Variants in HCFC1 observed in about 807,000 individuals in gnomAD.
HCFC1 encodes host cell factor 1.
In HCFC1, 7 loss-of-function variants were observed where a neutral mutation model predicts 105.5. The observed-to-expected ratio is 0.07, with a 90% CI of 0.04 to 0.12. The LOEUF (loss-of-function observed/expected upper bound fraction) is 0.12, where lower values mean the gene tolerates loss of function less well. Among genes scored for constraint, HCFC1 ranks in the 10% least tolerant of loss-of-function variants. The pLI, the probability that HCFC1 is intolerant of heterozygous loss-of-function variation, is 1.00. For synonymous variants in HCFC1, 918 were observed against 828.1 expected, an observed-to-expected ratio of 1.11 and a Z score of -1.86; for missense variants, 1,065 against 1,823.6, an observed-to-expected ratio of 0.58 and a Z score of 7.58.
intron 1 of HCFC1, 27 bp from the exon 2 acceptor site, chrX:153,964,753 A>G: frequency 8.8e-7 from 1 of 1,132,319 alleles, no homozygotes; most frequent in Non-Finnish European, 1.2e-6. Context: ...GGCAGAAGTC[A>G]GAACACCCGG....
Position 153,958,563 on chromosome X carries a change from G to A in HCFC1, c.1803+6C>T, listed in dbSNP as rs1039285407. 1.4e-5 allele frequency: 16 copies of A among 1,182,390 alleles called. No individual in the cohort carries two copies. The highest frequency in any genetic ancestry group is 3.5e-5 in the African/African-American group (2 of 56,764). On this transcript the variant is annotated splice_donor_region_variant and intron_variant, in intron 10 of 25. Transcript: ENST00000310441. ...ACCACAGTGACAAGCCCCGGAAGAC[G>A]CTCACCATGACTGGCGAGGAGGCCA...
rs1557114160 is a variant in HCFC1, at chrX:153,954,898, T to G, written c.3501A>C (p.Gln1167His). Reference sequence around the variant, plus strand: ...TGCTGGTCGCGCTGGTCTGGCGGGTTTGGCACTGGGACTTAGAGCCCTGGG... The same window carrying G: ...TGCTGGTCGCGCTGGTCTGGCGGGTGTGGCACTGGGACTTAGAGCCCTGGG... Reference protein sequence around the residue: ...EAAQGSKSQCQTRQTSATSTT... With the variant: ...EAAQGSKSQCHTRQTSATSTT... The change falls in exon 17 of 26, where the codon CAA becomes CAC. Residue 1167 changes from glutamine (Q) to histidine (H), a missense_variant. Gln to His is a conservative substitution (Grantham distance 24, BLOSUM62 0). This residue lies in a region of HCFC1 where 546 missense variants were observed against 599.9 expected (regional missense o/e 0.91). Transcript: ENST00000310441. The G allele has an allele frequency of 2.5e-5, 29 of 1,167,385 alleles. No homozygotes were observed. Among genetic ancestry groups the G allele is most frequent in the Non-Finnish European group, 3.3e-5 (29 of 876,989 alleles).
intron 23 of HCFC1, 88 bp downstream of exon 23, chrX:153,950,725 C>G: frequency 3.0e-6 from 3 of 995,287 alleles, no homozygotes; most frequent in Admixed American, 2.5e-5. Context: ...CAAAACCTAG[C>G]TCTCCTATGC....
chrX:153,965,170 T>C (rs1218373221), intron 1 of HCFC1, among the ~76,000 whole-genome samples: 1 of 111,077 alleles, frequency 9.0e-6, no homozygotes, highest in African/African-American at 3.3e-5. Flanking sequence ...GCCAAAACAG[T>C]GACCGCTGCA....
chrX:153,971,079 C>G lies in HCFC1; in HGVS notation c.-239G>C. ...CCCGAAACTGTCGAGCGCCTAGGCT[C>G]AAGAAGCTGGAGGCCGCTGAGTCCC... On this transcript the variant is annotated 5_prime_UTR_variant, in exon 1 of 26. Coordinates refer to ENST00000310441, the MANE Select transcript of HCFC1 (RefSeq NM_005334.3). The G allele has an allele frequency of 1.9e-5, 7 of 363,956 alleles. No individual in the cohort carries two copies. The highest frequency in any genetic ancestry group is 3.3e-5 in the Non-Finnish European group (7 of 214,097). 30.0% of individuals were successfully genotyped at this position (363,956 alleles called of 1,213,427 possible). A position where few individuals can be genotyped will look rare whatever the true frequency, so the allele number is the denominator to read the frequency against.
At position 153,948,188 on chromosome X, in the gene HCFC1, G is replaced by A. The variant is rs1289026466; in HGVS notation, c.*1159C>T. The A allele has an allele frequency of 1.8e-5, 2 of 112,215 alleles. No individual in the cohort carries two copies. Among genetic ancestry groups the A allele is most frequent in the Admixed American group, 1.9e-4 (2 of 10,618 alleles). The allele number at this position is 112,215 out of a possible 1,213,427, so 9.2% of individuals were successfully genotyped here. On this transcript the variant is annotated 3_prime_UTR_variant, in exon 26 of 26. Transcript: ENST00000310441. Reference sequence around the variant, plus strand: ...CGGTGCCGGTGGTGCTCAGGGAGGGGGCATGGGGAGAGCTGGAAATCCAGG... The same window carrying A: ...CGGTGCCGGTGGTGCTCAGGGAGGGAGCATGGGGAGAGCTGGAAATCCAGG...
At chrX:153,956,570 G>A in intron 15 of HCFC1, 55 bp downstream of exon 15, 10 of 1,195,429 alleles carry the variant, frequency 8.4e-6, no homozygotes, top group Non-Finnish European at 1.1e-5. Context: ...TTGAAGGCCA[G>A]CCCTGCTTCG....
chrX:153,958,915 C>T (rs1428306668), intron 9 of HCFC1, 149 bp from the exon 10 acceptor site: 19 of 444,736 alleles, frequency 4.3e-5, no homozygotes, highest in African/African-American at 2.8e-4. Context: ...TGCCAGACCC[C>T]GCTCTCCTGG....
At chrX:153,949,662 A>G (rs2065291154) in intron 24 of HCFC1, 46 bp from the exon 25 acceptor site, 2 of 1,094,255 alleles carry the variant, frequency 1.8e-6, no homozygotes, top group East Asian at 6.0e-5. Flanking sequence ...TGACAGAACG[A>G]GAGCAAGGAA....
At chrX:153,952,406 C>G in intron 19 of HCFC1, 108 bp downstream of exon 19, 6 of 940,657 alleles carry the variant, frequency 6.4e-6, no homozygotes, top group Non-Finnish European at 8.5e-6. Context: ...CCCATCACAT[C>G]TGGCTCATGC....
In HCFC1 at chrX:153,948,392, C is replaced by T. The variant is rs1261623701; in HGVS notation, c.*955G>A. On this transcript the variant is annotated 3_prime_UTR_variant, in exon 26 of 26. Coordinates refer to ENST00000310441, the MANE Select transcript of HCFC1 (RefSeq NM_005334.3). ...GCTGGGTGGCAAACAGCAGGCCCCTCGTGGCAGATTTCACACCTCTCCTGC... is the reference window on the plus strand; with the variant it reads ...GCTGGGTGGCAAACAGCAGGCCCCTTGTGGCAGATTTCACACCTCTCCTGC... The T allele has an allele frequency of 7.1e-5, 8 of 112,183 alleles. No individual in the cohort carries two copies. The highest frequency in any genetic ancestry group is 3.8e-4 in the Admixed American group (4 of 10,643). The allele number at this position is 112,183 out of a possible 1,213,427, so 9.2% of individuals were successfully genotyped here. A position where few individuals can be genotyped will look rare whatever the true frequency, so the allele number is the denominator to read the frequency against.
At chrX:153,958,324 G>A in intron 10 of HCFC1, 75 bp from the exon 11 acceptor site, 1 of 839,708 alleles carries the variant, frequency 1.2e-6, no homozygotes, top group South Asian at 2.3e-5. Context: ...TCCACGGTGG[G>A]CCCATAGCTC....
chrX:153,951,807 C>T (rs1557112602), intron 20 of HCFC1, 34 bp downstream of exon 20: 1 of 1,174,119 alleles, frequency 8.5e-7, no homozygotes. Flanking sequence ...GGTGCCCCCA[C>T]CACCCCAGCA....
In HCFC1 at chrX:153,952,953, TG is replaced by T; in HGVS notation, c.4502del (p.Pro1501GlnfsTer27). 8.5e-7 allele frequency: 1 copy of T among 1,170,706 alleles called. No individual in the cohort carries two copies. On this transcript the variant is annotated frameshift_variant, in exon 19 of 26. Transcript: ENST00000310441. LOFTEE classifies it high-confidence loss of function. ...TPVPGPSVPP[P>X]EELQVSPGPR... ...GACCTGGCGACACCTGGAGTTCCTC[TG>T]GGGGCTGCAGGATGTCAACAGCAGA...
In HCFC1 at chrX:153,950,558, G is replaced by T. The variant is rs1400937216; in HGVS notation, c.5704-15C>A. ...CCATCCGGACTCTAGAAGCCAGGGG[G>T]TCAGAAGGTCAACAGAACAGGCTAG... is the stretch of plus-strand genomic sequence containing the variant. On this transcript the variant is annotated splice_polypyrimidine_tract_variant and intron_variant, in intron 23 of 25. Coordinates refer to ENST00000310441, the MANE Select transcript of HCFC1 (RefSeq NM_005334.3). 1 of 1,145,254 alleles carries T rather than the reference G, an allele frequency of 8.7e-7. No individual in the cohort carries two copies. Among genetic ancestry groups the T allele is most frequent in the Non-Finnish European group, 1.2e-6 (1 of 860,828 alleles). 94.4% of individuals were successfully genotyped at this position (1,145,254 alleles called of 1,213,427 possible).
Position 153,971,069 on chromosome X carries a change from C to A in HCFC1, c.-229G>T. The A allele has an allele frequency of 2.7e-6, 1 of 370,742 alleles. No homozygotes were observed. The highest frequency in any genetic ancestry group is 5.9e-5 in the South Asian group (1 of 16,867). 30.6% of individuals were successfully genotyped at this position (370,742 alleles called of 1,213,427 possible). A position where few individuals can be genotyped will look rare whatever the true frequency, so the allele number is the denominator to read the frequency against. ...GCAAGAGCCGCCCGAAACTGTCGAG[C>A]GCCTAGGCTCAAGAAGCTGGAGGCC... On this transcript the variant is annotated 5_prime_UTR_variant, in exon 1 of 26. Coordinates refer to ENST00000310441, the MANE Select transcript of HCFC1 (RefSeq NM_005334.3).
chrX:153,966,586 C>T (rs1249333895), intron 1 of HCFC1, among the ~76,000 whole-genome samples: 1 of 112,687 alleles, frequency 8.9e-6, no homozygotes, highest in African/African-American at 3.2e-5. Context: ...GAGGGAGCTC[C>T]ATGCAAGCTA....
chrX:153,964,746 A>G lies in HCFC1; in HGVS notation c.194-20T>C. ...TGGTTGCTGGGGAACAGAAGGAGGC[A>G]GAAGTCAGAACACCCGGGAGCCCCC... On this transcript the variant is annotated intron_variant, in intron 1 of 25. Transcript: ENST00000310441. The G allele has an allele frequency of 3.5e-6, 4 of 1,145,363 alleles. No homozygotes were observed. Among genetic ancestry groups the G allele is most frequent in the Non-Finnish European group, 4.6e-6 (4 of 860,224 alleles). The allele number at this position is 1,145,363 out of a possible 1,213,427, so 94.4% of individuals were successfully genotyped here.
At chrX:153,952,383 T>C in intron 19 of HCFC1, 131 bp downstream of exon 19, 1 of 894,163 alleles carries the variant, frequency 1.1e-6, no homozygotes. Flanking sequence ...TGGGGTCCCC[T>C]GTGCTCGTCC....
Sources: allele counts gnomAD v4.1 joint callset (sites outside exome capture counted in the v4.1 genomes callset), GRCh38; gene constraint gnomAD v4.1.1; regional missense constraint gnomAD v4.1.1; transcripts MANE v1.5; gene names NCBI Gene and HGNC (gene_info 2026-07-23, HGNC 2026-07-21).